The following LRRTM4 variants were observed in gnomAD, a reference collection of about 807,000 sequenced individuals.
LRRTM4 encodes leucine rich repeat transmembrane neuronal 4.
In LRRTM4, 25 loss-of-function variants were observed where a neutral mutation model predicts 47.6. The observed-to-expected ratio is 0.53, with a 90% CI of 0.38 to 0.73. The LOEUF (loss-of-function observed/expected upper bound fraction) is 0.73, where lower values mean the gene tolerates loss of function less well. LRRTM4 is among the 30% of genes least tolerant of loss of function. The pLI is 0.00. For missense variants in LRRTM4, 638 were observed against 713.4 expected (o/e 0.89, Z 1.20); for synonymous variants, 311 against 269.5 (o/e 1.15, Z -1.51).
intron 3 of LRRTM4, among the ~76,000 whole-genome samples, chr2:76,960,853 T>G (rs1363071456): frequency 6.6e-6 from 1 of 151,498 alleles, no homozygotes; most frequent in Non-Finnish European, 1.5e-5. Context: ...TTTAAAGAGC[T>G]TTGTGGAATT....
intron 3 of LRRTM4, among the ~76,000 whole-genome samples, chr2:77,100,629 A>G (rs1437019778): frequency 6.6e-6 from 1 of 152,188 alleles, no homozygotes; most frequent in Non-Finnish European, 1.5e-5. Context: ...ATGGGCAGCC[A>G]TATTTAAATT....
intron 3 of LRRTM4, among the ~76,000 whole-genome samples, chr2:76,782,858 T>C (rs1674476321): frequency 6.6e-6 from 1 of 152,210 alleles, no homozygotes; most frequent in Non-Finnish European, 1.5e-5. Context: ...TTACGTATTT[T>C]AGAAAATTTA....
intron 3 of LRRTM4, among the ~76,000 whole-genome samples, chr2:76,827,602 G>T (rs938840659): frequency 4.6e-5 from 7 of 151,804 alleles, no homozygotes; most frequent in African/African-American, 1.2e-4. Flanking sequence ...CTGAGAATGT[G>T]CAATTCAAAT....
chr2:77,438,013 A>G (rs529689798), intron 3 of LRRTM4, among the ~76,000 whole-genome samples: 6 of 152,308 alleles, frequency 3.9e-5, no homozygotes, highest in African/African-American at 1.4e-4. Flanking sequence ...TATTCTATAA[A>G]TGGCATCTTG....
intron 3 of LRRTM4, among the ~76,000 whole-genome samples, chr2:77,362,819 G>GA (rs763166798): frequency 2.6e-4 from 40 of 152,052 alleles, no homozygotes; most frequent in Non-Finnish European, 4.9e-4. Context: ...TCTTAGGCAA[G>GA]AAAAAACATG....
At chr2:77,287,176 G>C (rs1250244222) in intron 3 of LRRTM4, among the ~76,000 whole-genome samples, 1 of 151,980 alleles carries the variant, frequency 6.6e-6, no homozygotes, top group Admixed American at 6.6e-5. Flanking sequence ...GTAGGTTACT[G>C]AGGAGACAAG....
chr2:76,970,805 T>C (rs1676192670), intron 3 of LRRTM4, among the ~76,000 whole-genome samples: 1 of 152,036 alleles, frequency 6.6e-6, no homozygotes, highest in Non-Finnish European at 1.5e-5. Context: ...TTTTGTTTAG[T>C]GTGCCATCTA....
At chr2:77,507,391 T>G (rs2104093607) in intron 3 of LRRTM4, among the ~76,000 whole-genome samples, 1 of 152,174 alleles carries the variant, frequency 6.6e-6, no homozygotes, top group South Asian at 2.1e-4. Flanking sequence ...ATCTTCATGT[T>G]TTGTTGGAGA....
At chr2:77,300,934 AT>A (rs1175356495) in intron 3 of LRRTM4, among the ~76,000 whole-genome samples, 9 of 151,554 alleles carry the variant, frequency 5.9e-5, no homozygotes, top group African/African-American at 1.2e-4. Context: ...GCTAAATGGA[AT>A]TTTTTTTTAC....
At chr2:77,393,745 C>T (rs1673593006) in intron 3 of LRRTM4, among the ~76,000 whole-genome samples, 1 of 151,750 alleles carries the variant, frequency 6.6e-6, no homozygotes, top group African/African-American at 2.4e-5. Flanking sequence ...GAGAGAATGA[C>T]TATAGTCTAA....
intron 3 of LRRTM4, among the ~76,000 whole-genome samples, chr2:76,870,990 T>A (rs1288061278): frequency 6.6e-6 from 1 of 152,186 alleles, no homozygotes; most frequent in Non-Finnish European, 1.5e-5. Flanking sequence ...CCACTACTCC[T>A]GACTATGCTT....
At chr2:76,969,688 T>TGATGAC (rs1317111259) in intron 3 of LRRTM4, among the ~76,000 whole-genome samples, 11 of 151,986 alleles carry the variant, frequency 7.2e-5, no homozygotes, top group Non-Finnish European at 1.6e-4. Flanking sequence ...ATGGTGATTA[T>TGATGAC]GATGACGATG....
intron 3 of LRRTM4, among the ~76,000 whole-genome samples, chr2:76,916,094 G>A (rs1182303157): frequency 6.6e-6 from 1 of 151,878 alleles, no homozygotes; most frequent in African/African-American, 2.4e-5. Flanking sequence ...ATGACACACA[G>A]AACAGATGCA....
At chr2:77,213,917 C>T (rs376308408) in intron 3 of LRRTM4, among the ~76,000 whole-genome samples, 177 of 150,450 alleles carry the variant, frequency 1.2e-3, no homozygotes, top group African/African-American at 4.0e-3. Flanking sequence ...ACCAAAATGC[C>T]AATTAGGCAT....
intron 3 of LRRTM4, among the ~76,000 whole-genome samples, chr2:77,270,664 G>A (rs561941124): frequency 2.6e-5 from 4 of 152,146 alleles, no homozygotes; most frequent in South Asian, 2.1e-4. Flanking sequence ...TGATAGTGAC[G>A]AGGCAGCCAA....
chr2:76,939,023 T>C (rs186478084), intron 3 of LRRTM4, among the ~76,000 whole-genome samples: 23 of 152,080 alleles, frequency 1.5e-4, no homozygotes, highest in Non-Finnish European at 3.4e-4. Context: ...ATGAATAAGT[T>C]AGGGGAATCT....
At position 77,051,347 on chromosome 2, in the gene LRRTM4, G is replaced by A. The variant is rs78033485; in HGVS notation, c.1552-302431C>T. Among the ~76,000 whole-genome samples, 1,139 of 152,226 alleles carry A rather than the reference G, an allele frequency of 7.5e-3. 18 individuals carry two copies. Among genetic ancestry groups the A allele is most frequent in the African/African-American group, 0.026 (1,086 of 41,538 alleles). The stretch of plus-strand genomic sequence containing the variant: ...GGATAAAAGATAATCATAAAAGCAG[G>A]ATCTGTTTAGGGAGAGGCCAAGTGA... On this transcript the variant is annotated intron_variant, in intron 3 of 3. Transcript: ENST00000409884.
intron 3 of LRRTM4, among the ~76,000 whole-genome samples, chr2:77,084,889 T>G (rs994124571): frequency 7.2e-5 from 11 of 152,156 alleles, no homozygotes; most frequent in African/African-American, 2.4e-4. Context: ...AGTTTAATGT[T>G]TAATAATGGT....
At chr2:77,214,366 T>C (rs1037245078) in intron 3 of LRRTM4, among the ~76,000 whole-genome samples, 3 of 152,154 alleles carry the variant, frequency 2.0e-5, no homozygotes, top group Non-Finnish European at 4.4e-5. Context: ...CTGTGCAGTA[T>C]TGCTAGAGTT....
Sources: allele counts gnomAD v4.1 joint callset (sites outside exome capture counted in the v4.1 genomes callset), GRCh38; gene constraint gnomAD v4.1.1; transcripts MANE v1.5; gene names NCBI Gene and HGNC (gene_info 2026-07-23, HGNC 2026-07-21).